Variants in THBS2 observed in about 807,000 individuals in gnomAD.
The protein encoded by THBS2 is thrombospondin 2, also known as thrombospondin-2.
In THBS2, 47 loss-of-function variants were observed where a neutral mutation model predicts 135.2. That is an observed-to-expected ratio of 0.35 (90% confidence interval 0.28 to 0.44). The LOEUF is 0.44. Among genes scored for constraint, THBS2 ranks in the 20% least tolerant of loss-of-function variants. The pLI, the probability that THBS2 is intolerant of heterozygous loss-of-function variation, is 1.00. For synonymous variants in THBS2, 639 were observed against 633.8 expected (o/e 1.01, Z -0.12); for missense variants, 1,288 against 1,603.1 (o/e 0.80, Z 3.36).
At chr6:169,249,912 C>T (rs1780695331) in intron 2 of THBS2, among the ~76,000 whole-genome samples, 1 of 152,028 alleles carries the variant, frequency 6.6e-6, no homozygotes, top group African/African-American at 2.4e-5. Flanking sequence ...CGCTTGTAGT[C>T]CCAGCTACTC....
At chr6:169,251,092 T>C (rs1247886701) in intron 1 of THBS2, among the ~76,000 whole-genome samples, 1 of 152,212 alleles carries the variant, frequency 6.6e-6, no homozygotes. Flanking sequence ...AGGTATGTGC[T>C]GCTCTAATTG....
intron 2 of THBS2, 41 bp downstream of exon 2, chr6:169,250,692 T>C (rs1554248293): frequency 5.0e-6 from 8 of 1,590,876 alleles, no homozygotes; most frequent in Non-Finnish European, 6.0e-6. Context: ...AAGCCATATC[T>C]CACAAGCCAG....
At chr6:169,246,162 C>G in intron 4 of THBS2, 35 bp downstream of exon 4, 1 of 1,554,224 alleles carries the variant, frequency 6.4e-7, no homozygotes. Context: ...CCATCCAAGC[C>G]AGTATATAAA....
chr6:169,244,424 C>G lies in THBS2; in HGVS notation c.694+1773G>C, dbSNP rs57899989. ...TCACTGACCATTATGACAACTGACTCAACATGCCATGGACAACCTTAGCTC... is the reference window on the plus strand; with the variant it reads ...TCACTGACCATTATGACAACTGACTGAACATGCCATGGACAACCTTAGCTC... On this transcript the variant is annotated intron_variant, in intron 4 of 21. Coordinates refer to ENST00000617924, the MANE Select transcript of THBS2 (RefSeq NM_003247.5). 7.4e-3 allele frequency among the ~76,000 whole-genome samples: 1,117 copies of G among 151,304 alleles called. 13 individuals carry two copies. The highest frequency in any genetic ancestry group is 0.024 in the African/African-American group (981 of 41,112).
intron 13 of THBS2, among the ~76,000 whole-genome samples, chr6:169,230,092 A>G (rs1779780536): frequency 6.6e-6 from 1 of 152,222 alleles, no homozygotes; most frequent in Non-Finnish European, 1.5e-5. Flanking sequence ...AACCCTCACC[A>G]GTCAAAAAAT....
chr6:169,227,203 A>T, intron 15 of THBS2, among the ~76,000 whole-genome samples: 1 of 152,016 alleles, frequency 6.6e-6, no homozygotes, highest in Non-Finnish European at 1.5e-5. Context: ...TGGGAAGAGG[A>T]CCCCACGAGG....
At chr6:169,237,403 T>C in intron 8 of THBS2, 57 bp from the exon 9 acceptor site, 2 of 1,600,548 alleles carry the variant, frequency 1.2e-6, no homozygotes, top group South Asian at 2.2e-5. Flanking sequence ...TATTTGCCTG[T>C]AAGCGGTGTG....
chr6:169,216,253 G>A lies in THBS2; in HGVS notation c.*1569C>T, dbSNP rs973099678. The A allele has an allele frequency of 5.9e-5, 9 of 152,154 alleles. No homozygotes were observed. Among genetic ancestry groups the A allele is most frequent in the African/African-American group, 1.9e-4 (8 of 41,424 alleles). 9.4% of individuals were successfully genotyped at this position (152,154 alleles called of 1,614,324 possible). On this transcript the variant is annotated 3_prime_UTR_variant, in exon 22 of 22. Transcript: ENST00000617924. The stretch of plus-strand genomic sequence containing the variant: ...TACATTAAGACTAAAGTTATGGATT[G>A]TTCCTGTTTGGCATAGAAATGTGAT...
At position 169,241,905 on chromosome 6, in the gene THBS2, C is replaced by T. The variant is rs751495497; in HGVS notation, c.748G>A (p.Val250Ile). Residue 250 changes from valine to isoleucine, a missense_variant, in exon 5 of 22, where the codon GTC becomes ATC. By Grantham distance (29) the Val-to-Ile change is conservative (BLOSUM62 3). Transcript: ENST00000617924. The surrounding 1 kb of genome is among the most constrained non-coding windows in gnomAD (Gnocchi z 5.5). Reference protein sequence around the residue: ...NTETLRLGPHVTTEYVGPSSE... With the variant: ...NTETLRLGPHITTEYVGPSSE... ...CTGGGGCCCACGTACTCGGTGGTGA[C>T]ATGCGGACCCAGGCGCAGCGTCTCT... The T allele has an allele frequency of 3.1e-6, 5 of 1,612,020 alleles. No individual in the cohort carries two copies. The East Asian group carries it at 1.1e-4, about 36-fold the overall frequency.
rs974293446 is a variant in THBS2, at chr6:169,216,401, A to G, written c.*1421T>C. On this transcript the variant is annotated 3_prime_UTR_variant, in exon 22 of 22. Coordinates refer to ENST00000617924, the MANE Select transcript of THBS2 (RefSeq NM_003247.5). The stretch of plus-strand genomic sequence containing the variant: ...CTATTTCCTGCAGAAAGATCATGCA[A>G]CTTAAAGCAAAAAAACAAACCAACC... 2 of 149,376 alleles carry G rather than the reference A, an allele frequency of 1.3e-5. No homozygotes were observed. Among genetic ancestry groups the G allele is most frequent in the Non-Finnish European group, 3.0e-5 (2 of 67,392 alleles). The allele number at this position is 149,376 out of a possible 1,614,324, so 9.3% of individuals were successfully genotyped here.
chr6:169,242,006 A>C, intron 4 of THBS2, 48 bp from the exon 5 acceptor site: 1 of 1,559,324 alleles, frequency 6.4e-7, no homozygotes, highest in Non-Finnish European at 8.7e-7. Flanking sequence ...GGACGGGGCC[A>C]GCAGCAGGGG....
In THBS2 at chr6:169,229,542, G is replaced by A. The variant is rs757873458; in HGVS notation, c.2259+30C>T. ...TGGACCTCGCTGCTCCTGGAACCCA[G>A]GGCAGGTGCGCGGCACAAGCTGCTC... On this transcript the variant is annotated intron_variant, in intron 14 of 21. Transcript: ENST00000617924. 45 of 1,591,316 alleles carry A rather than the reference G, an allele frequency of 2.8e-5. No homozygotes were observed. The African/African-American group carries it at 4.7e-4, about 17-fold the overall frequency.
intron 4 of THBS2, among the ~76,000 whole-genome samples, chr6:169,242,578 C>CCACCTTCCCACCTT (rs1401595406): frequency 7.2e-4 from 92 of 127,928 alleles, no homozygotes; most frequent in African/African-American, 2.6e-3. Flanking sequence ...TCCCACCTTC[C>CCACCTTCCCACCTT]CCCAAATTCC....
intron 17 of THBS2, 67 bp downstream of exon 17, chr6:169,225,078 A>G: frequency 1.3e-6 from 2 of 1,485,040 alleles, no homozygotes; most frequent in Non-Finnish European, 1.9e-6. Context: ...GTGCATACAT[A>G]TCTCTGCCCT....
Position 169,220,181 on chromosome 6 carries a change from G to C in THBS2, c.3511+17C>G, listed in dbSNP as rs1163316973. On this transcript the variant is annotated intron_variant, in intron 21 of 21. Transcript: ENST00000617924. The stretch of plus-strand genomic sequence containing the variant: ...TGCCACATGCCTTCCCCACTAACCT[G>C]AAGTGCTCACACTCACCTCTGCATT... 1.2e-6 allele frequency: 2 copies of C among 1,611,120 alleles called. No individual in the cohort carries two copies. Among genetic ancestry groups the C allele is most frequent in the African/African-American group, 2.7e-5 (2 of 74,830 alleles).
chr6:169,215,961 A>G lies in THBS2; in HGVS notation c.*1861T>C, dbSNP rs1273504002. On this transcript the variant is annotated 3_prime_UTR_variant, in exon 22 of 22. Transcript: ENST00000617924. ...ACCTATACGATAAATTTGTTTAGAA[A>G]AACATAAATAATTTACAAAAAATAT... The G allele has an allele frequency of 6.6e-6, 1 of 152,536 alleles. No individual in the cohort carries two copies. The highest frequency in any genetic ancestry group is 6.5e-5 in the Admixed American group (1 of 15,280). 9.4% of individuals were successfully genotyped at this position (152,536 alleles called of 1,614,324 possible).
At chr6:169,242,865 C>A (rs1313173209) in intron 4 of THBS2, among the ~76,000 whole-genome samples, 139 of 77,214 alleles carry the variant, frequency 1.8e-3, no homozygotes, top group East Asian at 3.7e-3. Flanking sequence ...ACCTTCCCAC[C>A]TTCCCACCTT....
intron 15 of THBS2, 41 bp from the exon 16 acceptor site, chr6:169,226,339 G>A: frequency 2.7e-6 from 4 of 1,507,776 alleles, no homozygotes; most frequent in Non-Finnish European, 3.7e-6. Context: ...AAACAAACCA[G>A]AAGGACAGGT....
chr6:169,242,987 A>AC (rs1780402143), intron 4 of THBS2, among the ~76,000 whole-genome samples: 1 of 33,592 alleles, frequency 3.0e-5, no homozygotes, highest in Non-Finnish European at 5.7e-5. Flanking sequence ...CCACCTTCCC[A>AC]CATTCGCACC....
Sources: gnomAD v4.1 joint callset for allele counts (sites outside exome capture counted in the v4.1 genomes callset) on GRCh38, gnomAD v4.1.1 for gene constraint, Gnocchi (gnomAD v3.1) non-coding constraint, MANE v1.5 for transcripts, NCBI Gene and HGNC (gene_info 2026-07-23, HGNC 2026-07-21) for gene names.